Variants in ST18 observed in about 807,000 individuals in gnomAD.
The protein encoded by ST18 is ST18 C2H2C-type zinc finger transcription factor.
A neutral mutation model predicts 110.0 loss-of-function variants in ST18; 50 were observed. The observed-to-expected ratio is 0.45, with a 90% confidence interval of 0.36 to 0.58. The LOEUF is 0.58. ST18 is among the 20% of genes least tolerant of loss of function. The pLI, the probability that ST18 is intolerant of heterozygous loss-of-function variation, is 0.00. For missense variants in ST18, 1,306 were observed against 1,280.1 expected (o/e 1.02, Z -0.31); for synonymous variants, 461 against 452.4 (o/e 1.02, Z -0.24).
At chr8:52,151,584 A>G (rs1213898457) in intron 15 of ST18, among the ~76,000 whole-genome samples, 2 of 152,158 alleles carry the variant, frequency 1.3e-5, no homozygotes, top group Non-Finnish European at 2.9e-5. Flanking sequence ...ACAAAAATCC[A>G]AGATATTAAC....
rs570062521 is a variant in ST18, at chr8:52,158,945, C to A, written c.1759G>T (p.Glu587Ter). 6.2e-7 allele frequency: 1 copy of A among 1,613,906 alleles called. No individual in the cohort carries two copies. Among genetic ancestry groups the A allele is most frequent in the African/African-American group, 1.3e-5 (1 of 75,034 alleles). Residue 587 changes from glutamate (E) to a stop codon, truncating the protein, a stop_gained, in exon 15 of 26, where the codon GAA becomes TAA. Transcript: ENST00000689386. LOFTEE classifies it high-confidence loss of function. ...TTGTTGGAGAGGATGTCTGTGGCTTCCCTGCAGCGGGTGGAAAGGTTCAGG... is the reference window on the plus strand; with the variant it reads ...TTGTTGGAGAGGATGTCTGTGGCTTACCTGCAGCGGGTGGAAAGGTTCAGG... Reference protein sequence around the residue: ...AILNLSTRCREATDILSNKPQ... With the variant: ...AILNLSTRCR
chr8:52,114,160 G>C (rs914787606), intron 25 of ST18, among the ~76,000 whole-genome samples: 2 of 151,482 alleles, frequency 1.3e-5, no homozygotes, highest in Non-Finnish European at 2.9e-5. Flanking sequence ...ATTAGAGATG[G>C]AATTTCACCA....
At chr8:52,350,425 A>G (rs10094582) in intron 2 of ST18, among the ~76,000 whole-genome samples, 149,759 of 152,190 alleles carry the variant, frequency 0.98, 73,730 homozygotes, top group Middle Eastern at 1. Flanking sequence ...CAGCAGAGAC[A>G]CCCACAGCTA....
intron 3 of ST18, among the ~76,000 whole-genome samples, chr8:52,226,605 C>T (rs1240763612): frequency 6.6e-6 from 1 of 152,154 alleles, no homozygotes; most frequent in Non-Finnish European, 1.5e-5. Context: ...CCCTTCCTGG[C>T]TTCGAAAGAA....
chr8:52,326,591 C>T (rs1806532463), intron 2 of ST18, among the ~76,000 whole-genome samples: 1 of 152,110 alleles, frequency 6.6e-6, no homozygotes, highest in Non-Finnish European at 1.5e-5. Context: ...GTCAATGGTG[C>T]CTCCTGTATC....
chr8:52,355,958 G>T (rs983163288), intron 2 of ST18, among the ~76,000 whole-genome samples: 1 of 152,134 alleles, frequency 6.6e-6, no homozygotes, highest in Non-Finnish European at 1.5e-5. Flanking sequence ...GAGCACAGCA[G>T]CCAGGAGCAA....
At chr8:52,196,703 A>G (rs2076293628) in intron 8 of ST18, among the ~76,000 whole-genome samples, 1 of 152,186 alleles carries the variant, frequency 6.6e-6, no homozygotes, top group African/African-American at 2.4e-5. Context: ...ATTAAACTTT[A>G]TCATAGGTAT....
chr8:52,384,786 G>GCTGTGTGTGT (rs147007096), intron 2 of ST18, among the ~76,000 whole-genome samples: 67 of 147,482 alleles, frequency 4.5e-4, no homozygotes, highest in African/African-American at 1.1e-3. Flanking sequence ...TGTGTACACA[G>GCTGTGTGTGT]GTGTGTGTGT....
chr8:52,409,788 T>C (rs1272798943), upstream of ST18: 5 of 152,292 alleles, frequency 3.3e-5, no homozygotes, highest in East Asian at 3.8e-4. Context: ...TTGCTAACTT[T>C]GCTCTGTGTT....
intron 2 of ST18, among the ~76,000 whole-genome samples, chr8:52,275,446 G>C (rs1000701727): frequency 2.0e-5 from 3 of 152,082 alleles, no homozygotes; most frequent in African/African-American, 7.2e-5. Context: ...CAGGGCATTT[G>C]GTGTGTCATA....
At chr8:52,370,607 G>T (rs1829919998) in intron 2 of ST18, among the ~76,000 whole-genome samples, 1 of 152,118 alleles carries the variant, frequency 6.6e-6, no homozygotes, top group Non-Finnish European at 1.5e-5. Context: ...TACAGATTTT[G>T]AAGTTAATAC....
At chr8:52,260,348 G>A (rs1487594333) in intron 2 of ST18, among the ~76,000 whole-genome samples, 1 of 152,052 alleles carries the variant, frequency 6.6e-6, no homozygotes, top group African/African-American at 2.4e-5. Context: ...TAAAGTTCTT[G>A]TTCTTCACAA....
In ST18 at chr8:52,145,055, A is replaced by ATT. The variant is rs11353171; in HGVS notation, c.2053-2012_2053-2011dup. The stretch of plus-strand genomic sequence containing the variant: ...CCTTTGTTTTTCTGTTTAGATGCTG[A>ATT]TTTTTTTTTTTTTTTAACGAAAACG... On this transcript the variant is annotated intron_variant, in intron 16 of 25. Coordinates refer to ENST00000689386, the MANE Select transcript of ST18 (RefSeq NM_001352837.2). 1.8e-3 allele frequency among the ~76,000 whole-genome samples: 251 copies of ATT among 143,180 alleles called. 2 individuals are homozygous for ATT. Among genetic ancestry groups the ATT allele is most frequent in the African/African-American group, 5.2e-3 (205 of 39,574 alleles). The allele number at this position is 143,180 out of a possible 152,430, so 93.9% of individuals were successfully genotyped here. A position where few individuals can be genotyped will look rare whatever the true frequency, so the allele number is the denominator to read the frequency against.
At position 52,202,997 on chromosome 8, in the gene ST18, A is replaced by G. The variant is rs555603250; in HGVS notation, c.86+9082T>C. On this transcript the variant is annotated intron_variant, in intron 8 of 25. Transcript: ENST00000689386. ...AGATGAACTCACAAGATATAGCTGA[A>G]TACTTCAAGAGGTTAAACATACAGG... 3.9e-4 allele frequency among the ~76,000 whole-genome samples: 59 copies of G among 152,302 alleles called. No homozygotes were observed. In the South Asian group the frequency reaches 0.012, roughly 31 times the overall value.
chr8:52,172,600 C>T lies in ST18; in HGVS notation c.278-17G>A, dbSNP rs773405452. Reference sequence around the variant, plus strand: ...TGATTTCCTCTATGGAAAAAGAAAACCAATATTTGAAGAGCAAGAACAAAA... The same window carrying T: ...TGATTTCCTCTATGGAAAAAGAAAATCAATATTTGAAGAGCAAGAACAAAA... On this transcript the variant is annotated splice_polypyrimidine_tract_variant and intron_variant, in intron 9 of 25. Coordinates refer to ENST00000689386, the MANE Select transcript of ST18 (RefSeq NM_001352837.2). 10 of 1,530,148 alleles carry T rather than the reference C, an allele frequency of 6.5e-6. No individual in the cohort carries two copies. The South Asian group carries it at 1.1e-4, about 16-fold the overall frequency. 94.8% of individuals were successfully genotyped at this position (1,530,148 alleles called of 1,614,324 possible).
intron 2 of ST18, among the ~76,000 whole-genome samples, chr8:52,262,321 A>G (rs1245789503): frequency 6.6e-6 from 1 of 152,174 alleles, no homozygotes; most frequent in Non-Finnish European, 1.5e-5. Context: ...GCGCATTCAA[A>G]CCATAGCACT....
intron 18 of ST18, 39 bp downstream of exon 18, chr8:52,137,382 G>A (rs1351792568): frequency 1.2e-6 from 2 of 1,606,728 alleles, no homozygotes; most frequent in East Asian, 2.2e-5. Context: ...AATAGAACAA[G>A]ACCATGAAAA....
intron 6 of ST18, among the ~76,000 whole-genome samples, chr8:52,217,397 T>C (rs1053546497): frequency 6.6e-6 from 1 of 152,098 alleles, no homozygotes; most frequent in Non-Finnish European, 1.5e-5. Flanking sequence ...AAAAGTTCAG[T>C]TTAAATGATA....
chr8:52,332,530 CTTTTT>C lies in ST18; in HGVS notation c.-465+76793_-465+76797del, dbSNP rs140331895. Among the ~76,000 whole-genome samples, 4 of 49,764 alleles carry C rather than the reference CTTTTT, an allele frequency of 8.0e-5. No individual in the cohort carries two copies. In the Admixed American group the frequency reaches 1.1e-3, roughly 14 times the overall value. 32.6% of individuals were successfully genotyped at this position (49,764 alleles called of 152,430 possible). On this transcript the variant is annotated intron_variant, in intron 2 of 25. Coordinates refer to ENST00000689386, the MANE Select transcript of ST18 (RefSeq NM_001352837.2). ...ACTTTCCCAAGAGCATCTAATGTAG[CTTTTT>C]TTTTTTTTTTTTTTTTTTTTTTTAA... is the stretch of plus-strand genomic sequence containing the variant.
Sources: allele counts gnomAD v4.1 joint callset (sites outside exome capture counted in the v4.1 genomes callset), GRCh38; gene constraint gnomAD v4.1.1; transcripts MANE v1.5; gene names NCBI Gene and HGNC (gene_info 2026-07-23, HGNC 2026-07-21).